SORL1: variants seen among roughly 807,000 people sequenced by gnomAD.
SORL1 encodes the protein sortilin related receptor 1.
In SORL1, 127 loss-of-function variants were observed where a neutral mutation model predicts 273.7. The ratio of observed to expected loss-of-function variants is 0.46; its 90% CI spans 0.40 to 0.54. SORL1 has a LOEUF of 0.54. Among genes scored for constraint, SORL1 ranks in the 20% least tolerant of loss-of-function variants. The probability of loss-of-function intolerance (pLI) is 0.00; values close to 1 mark genes in which losing one functional copy is unlikely to be tolerated. For synonymous variants in SORL1, 1,031 were observed against 1,067.4 expected, an observed-to-expected ratio of 0.97 and a Z score of 0.66; for missense variants, 2,494 against 2,846.1, an observed-to-expected ratio of 0.88 and a Z score of 2.81.
chr11:121,576,918 A>G (rs1195193320), intron 24 of SORL1: 12 of 1,535,656 alleles, frequency 7.8e-6, no homozygotes, highest in Non-Finnish European at 1.0e-5. Flanking sequence ...GTTTCTTGAA[A>G]GTTCTACTTC....
intron 28 of SORL1, among the ~76,000 whole-genome samples, chr11:121,588,355 C>CT (rs1863153310): frequency 6.6e-6 from 1 of 152,148 alleles, no homozygotes; most frequent in Non-Finnish European, 1.5e-5. Flanking sequence ...GAAAGACTTT[C>CT]TTTTGTTGCT....
At chr11:121,491,793 C>G (rs1861557931) in intron 5 of SORL1, among the ~76,000 whole-genome samples, 1 of 152,186 alleles carries the variant, frequency 6.6e-6, no homozygotes, top group African/African-American at 2.4e-5. Context: ...CATTAATTCT[C>G]AGCATGTGGT....
chr11:121,513,114 G>T lies in SORL1; in HGVS notation c.1041+10G>T, dbSNP rs891484812. The T allele has an allele frequency of 1.9e-6, 3 of 1,576,986 alleles. No homozygotes were observed. In the Admixed American group the frequency reaches 5.0e-5, roughly 26 times the overall value. The stretch of plus-strand genomic sequence containing the variant: ...AAGACATCCTATTAATGTGAGTGGG[G>T]TCTGCTTGAGGATGGGAAGAAGTAT... On this transcript the variant is annotated intron_variant, in intron 7 of 47. Transcript: ENST00000260197.
chr11:121,578,648 T>C (rs1463385645), intron 25 of SORL1, among the ~76,000 whole-genome samples: 1 of 152,218 alleles, frequency 6.6e-6, no homozygotes, highest in Admixed American at 6.5e-5. Context: ...ATTGAGTAAT[T>C]TTATGCAACT....
chr11:121,576,778 T>C (rs1862937149), intron 24 of SORL1: 4 of 1,490,240 alleles, frequency 2.7e-6, no homozygotes, highest in Non-Finnish European at 3.6e-6. Flanking sequence ...TCCCGAGTTA[T>C]GTTTCCTCCG....
At chr11:121,493,605 A>G (rs1861588509) in intron 5 of SORL1, among the ~76,000 whole-genome samples, 1 of 152,200 alleles carries the variant, frequency 6.6e-6, no homozygotes, top group Admixed American at 6.5e-5. Flanking sequence ...GTTGGTTTCA[A>G]GGAGCTCTTT....
At position 121,590,687 on chromosome 11, in the gene SORL1, C is replaced by T; in HGVS notation, c.4214-314C>T. ...AATGCTTTGCCTCAGTAGGAATTCT[C>T]TTAGCCACCCTGTGCCTCCTCAGCC... is the stretch of plus-strand genomic sequence containing the variant. On this transcript the variant is annotated intron_variant, in intron 30 of 47. Coordinates refer to ENST00000260197, the MANE Select transcript of SORL1 (RefSeq NM_003105.6). The T allele has an allele frequency of 4.7e-6, 3 of 635,574 alleles. No individual in the cohort carries two copies. The South Asian group carries it at 5.5e-5, about 12-fold the overall frequency. 39.4% of individuals were successfully genotyped at this position (635,574 alleles called of 1,614,324 possible). A position where few individuals can be genotyped will look rare whatever the true frequency, so the allele number is the denominator to read the frequency against.
intron 12 of SORL1, among the ~76,000 whole-genome samples, chr11:121,534,426 C>G (rs2134874186): frequency 6.6e-6 from 1 of 152,288 alleles, no homozygotes; most frequent in Non-Finnish European, 1.5e-5. Context: ...TAAAGCCTTC[C>G]CCAGACATTT....
intron 3 of SORL1, among the ~76,000 whole-genome samples, chr11:121,484,300 C>T (rs1261261747): frequency 6.6e-6 from 1 of 152,136 alleles, no homozygotes; most frequent in Admixed American, 6.5e-5. Context: ...CTCAATCAAA[C>T]CTGGTATCAC....
intron 21 of SORL1, among the ~76,000 whole-genome samples, chr11:121,565,155 C>A (rs115611706): frequency 6.6e-6 from 1 of 152,164 alleles, no homozygotes; most frequent in African/African-American, 2.4e-5. Context: ...GGTAATTAAG[C>A]TGTTATGATT....
chr11:121,555,513 G>A (rs1386945429), intron 18 of SORL1, among the ~76,000 whole-genome samples, 195 bp downstream of exon 18: 1 of 152,076 alleles, frequency 6.6e-6, no homozygotes, highest in East Asian at 1.9e-4. Context: ...TGATCTTTTG[G>A]CTAGCAGAAG....
intron 6 of SORL1, among the ~76,000 whole-genome samples, chr11:121,506,219 T>C (rs1861783145): frequency 6.6e-6 from 1 of 152,238 alleles, no homozygotes; most frequent in Admixed American, 6.5e-5. Context: ...CTAGTAACTA[T>C]TTTTTGTCTT....
chr11:121,495,236 T>A (rs1033463974), intron 5 of SORL1, among the ~76,000 whole-genome samples: 1 of 152,156 alleles, frequency 6.6e-6, no homozygotes. Context: ...TACGCCAGCA[T>A]ACCTGGCTAA....
intron 12 of SORL1, among the ~76,000 whole-genome samples, chr11:121,542,126 T>C (rs961334949): frequency 2.0e-5 from 3 of 152,200 alleles, no homozygotes; most frequent in African/African-American, 7.2e-5. Flanking sequence ...TAAAGAAAGT[T>C]GCAGACATCA....
intron 11 of SORL1, among the ~76,000 whole-genome samples, chr11:121,529,676 A>G (rs1171323428): frequency 2.6e-5 from 4 of 152,134 alleles, no homozygotes; most frequent in Non-Finnish European, 5.9e-5. Context: ...AGTTGGACTT[A>G]AAGGCACATG....
intron 1 of SORL1, among the ~76,000 whole-genome samples, chr11:121,459,988 C>T (rs1860970079): frequency 2.0e-5 from 3 of 152,226 alleles, no homozygotes; most frequent in Admixed American, 2.0e-4. Flanking sequence ...GATTTATCTC[C>T]AGTCCCCTGA....
At chr11:121,512,086 T>C (rs185907282) in intron 6 of SORL1, among the ~76,000 whole-genome samples, 71 of 152,356 alleles carry the variant, frequency 4.7e-4, no homozygotes, top group Non-Finnish European at 9.0e-4. Flanking sequence ...GTTTTTATAA[T>C]AGTTCTTATC....
chr11:121,576,829 C>T, intron 24 of SORL1: 2 of 1,532,690 alleles, frequency 1.3e-6, no homozygotes, highest in Non-Finnish European at 8.7e-7. Flanking sequence ...TCTGACTGAG[C>T]ATCTCACGGT....
chr11:121,534,676 G>C (rs1358088054), intron 12 of SORL1, among the ~76,000 whole-genome samples: 1 of 152,220 alleles, frequency 6.6e-6, no homozygotes, highest in Non-Finnish European at 1.5e-5. Context: ...GAGGTATTTT[G>C]CTTCTTCCCC....
Sources: allele counts gnomAD v4.1 joint callset (sites outside exome capture counted in the v4.1 genomes callset), GRCh38; gene constraint gnomAD v4.1.1; transcripts MANE v1.5; gene names NCBI Gene and HGNC (gene_info 2026-07-23, HGNC 2026-07-21).